PTPRG: variants seen among roughly 807,000 people sequenced by gnomAD.
The protein encoded by PTPRG is receptor-type tyrosine-protein phosphatase gamma.
PTPRG carries 102 observed loss-of-function variants against 165.3 expected under a neutral mutation model. The ratio of observed to expected loss-of-function variants is 0.62; its 90% CI spans 0.53 to 0.73. The LOEUF (loss-of-function observed/expected upper bound fraction) is 0.73, where lower values mean the gene tolerates loss of function less well. Ranked by LOEUF, PTPRG falls within the 30% of genes least tolerant of loss-of-function variation. The pLI is 0.00. For missense variants in PTPRG, 1,866 were observed against 1,861.4 expected (o/e 1.00, Z -0.05); for synonymous variants, 675 against 669.5 (o/e 1.01, Z -0.13).
chr3:62,014,880 A>G (rs1414472543), intron 4 of PTPRG, among the ~76,000 whole-genome samples: 1 of 152,226 alleles, frequency 6.6e-6, no homozygotes, highest in Non-Finnish European at 1.5e-5. Flanking sequence ...TATCTAAATT[A>G]TCTGCCTAAA....
intron 2 of PTPRG, among the ~76,000 whole-genome samples, chr3:61,979,769 A>G (rs1263278258): frequency 6.6e-6 from 1 of 152,300 alleles, no homozygotes; most frequent in African/African-American, 2.4e-5. Context: ...AGCATTTAAT[A>G]GTTAATATAT....
chr3:62,192,650 A>T (rs1343299334), intron 9 of PTPRG, among the ~76,000 whole-genome samples: 1 of 151,726 alleles, frequency 6.6e-6, no homozygotes, highest in African/African-American at 2.4e-5. Flanking sequence ...TGACCTCATG[A>T]TCCGCCCACC....
At chr3:62,054,341 T>C (rs1700561139) in intron 4 of PTPRG, among the ~76,000 whole-genome samples, 1 of 152,250 alleles carries the variant, frequency 6.6e-6, no homozygotes, top group African/African-American at 2.4e-5. Flanking sequence ...TTCTTTCTTC[T>C]ATTTGGCCTT....
chr3:62,047,263 T>TTATTTATTTATTTATTTATA (rs72146414), intron 4 of PTPRG, among the ~76,000 whole-genome samples: 1 of 149,842 alleles, frequency 6.7e-6, no homozygotes, highest in Non-Finnish European at 1.5e-5. Flanking sequence ...ATTTATTTAT[T>TTATTTATTTATTTATTTATA]TATTTATTTT....
intron 2 of PTPRG, among the ~76,000 whole-genome samples, chr3:61,978,511 A>T (rs1475104231): frequency 2.2e-5 from 1 of 45,614 alleles, no homozygotes; most frequent in Non-Finnish European, 4.1e-5. Flanking sequence ...AGTTTGTAAT[A>T]AAATAAGTGG....
At chr3:61,707,077 G>A (rs1391061592) in intron 1 of PTPRG, among the ~76,000 whole-genome samples, 3 of 151,912 alleles carry the variant, frequency 2.0e-5, no homozygotes, top group Non-Finnish European at 2.9e-5. Context: ...TGTCTTTATT[G>A]TTGTTATAAT....
At chr3:62,168,268 ATGCATATGTT>A (rs1467439695) in intron 8 of PTPRG, 105 bp downstream of exon 8, 14 of 1,091,660 alleles carry the variant, frequency 1.3e-5, no homozygotes, top group Non-Finnish European at 1.8e-5. Context: ...TTGGTGTTAA[ATGCATATGTT>A]TCTCTGCTAA....
chr3:61,691,178 T>C (rs566851830), intron 1 of PTPRG, among the ~76,000 whole-genome samples: 16 of 152,252 alleles, frequency 1.1e-4, no homozygotes, highest in African/African-American at 3.1e-4. Context: ...TTTGAGAGGC[T>C]GAAGTGGGAG....
chr3:62,060,853 G>A (rs1452136587), intron 4 of PTPRG, among the ~76,000 whole-genome samples: 1 of 151,990 alleles, frequency 6.6e-6, no homozygotes, highest in Non-Finnish European at 1.5e-5. Flanking sequence ...CTGAAATATG[G>A]GATGATCATA....
chr3:61,585,498 A>G (rs1276338906), intron 1 of PTPRG, among the ~76,000 whole-genome samples: 1 of 151,774 alleles, frequency 6.6e-6, no homozygotes, highest in Non-Finnish European at 1.5e-5. Flanking sequence ...AAATCCCAGC[A>G]CTTTGGGAGG....
At chr3:62,289,308 A>G (rs184373749) in intron 28 of PTPRG, among the ~76,000 whole-genome samples, 3 of 152,350 alleles carry the variant, frequency 2.0e-5, no homozygotes, top group Non-Finnish European at 4.4e-5. Context: ...AACACACGTT[A>G]GTGATCACTA....
chr3:61,902,342 A>G (rs910326602), intron 2 of PTPRG, among the ~76,000 whole-genome samples: 3 of 152,188 alleles, frequency 2.0e-5, no homozygotes, highest in African/African-American at 7.2e-5. Context: ...AGGGCTGATT[A>G]TAGCATTGGA....
At chr3:61,714,193 G>T (rs1372375101) in intron 1 of PTPRG, among the ~76,000 whole-genome samples, 1 of 152,084 alleles carries the variant, frequency 6.6e-6, no homozygotes, top group Non-Finnish European at 1.5e-5. Flanking sequence ...TCTTATGCAA[G>T]TATATTAACT....
intron 6 of PTPRG, among the ~76,000 whole-genome samples, chr3:62,140,879 G>T (rs930329135): frequency 1.1e-4 from 16 of 149,570 alleles, no homozygotes; most frequent in Non-Finnish European, 1.8e-4. Flanking sequence ...AAAAAAGAGT[G>T]GGGTGGAGGA....
chr3:61,610,760 T>TCCCTCCCTCCCG (rs1701143055), intron 1 of PTPRG, among the ~76,000 whole-genome samples: 1 of 72,980 alleles, frequency 1.4e-5, no homozygotes, highest in Non-Finnish European at 2.8e-5. Flanking sequence ...CCTCCCTCCC[T>TCCCTCCCTCCCG]CCCTCCCTCC....
At chr3:61,894,701 T>C (rs2038304809) in intron 2 of PTPRG, among the ~76,000 whole-genome samples, 1 of 152,200 alleles carries the variant, frequency 6.6e-6, no homozygotes, top group Non-Finnish European at 1.5e-5. Flanking sequence ...GCTCCAGCAA[T>C]GAGGCTCTTA....
intron 5 of PTPRG, among the ~76,000 whole-genome samples, chr3:62,089,159 G>A (rs767321224): frequency 1.2e-4 from 18 of 152,182 alleles, no homozygotes; most frequent in Non-Finnish European, 2.6e-4. Flanking sequence ...GATAATGCCT[G>A]CCTGTCTCTT....
intron 17 of PTPRG, among the ~76,000 whole-genome samples, chr3:62,266,698 T>C (rs1701885915): frequency 6.6e-6 from 1 of 151,580 alleles, no homozygotes; most frequent in Non-Finnish European, 1.5e-5. Context: ...ATAATGACTA[T>C]AAACAGAAAC....
intron 2 of PTPRG, among the ~76,000 whole-genome samples, chr3:61,862,380 C>CT (rs5849448): frequency 0.02 from 2,530 of 125,306 alleles, 67 homozygotes; most frequent in African/African-American, 0.057. Context: ...ATTACTCAGA[C>CT]TTTTTTTTTT....
Sources: gnomAD v4.1 joint callset for allele counts (sites outside exome capture counted in the v4.1 genomes callset) on GRCh38, gnomAD v4.1.1 for gene constraint, MANE v1.5 for transcripts, NCBI Gene and HGNC (gene_info 2026-07-23, HGNC 2026-07-21) for gene names.